The following PFKFB3 variants were observed in gnomAD, a reference collection of about 807,000 sequenced individuals.
PFKFB3 encodes the protein 6-phosphofructo-2-kinase/fructose-2,6-biphosphatase 3.
PFKFB3 carries 33 observed loss-of-function variants against 68.0 expected under a neutral mutation model. That is an observed-to-expected ratio of 0.49 (90% confidence interval 0.37 to 0.65). PFKFB3 has a LOEUF of 0.65. PFKFB3 is among the 30% of genes least tolerant of loss of function. The pLI is 0.00. For synonymous variants in PFKFB3, 315 were observed against 288.2 expected, an observed-to-expected ratio of 1.09 and a Z score of -0.94; for missense variants, 586 against 712.2, an observed-to-expected ratio of 0.82 and a Z score of 2.02.
intron 1 of PFKFB3, among the ~76,000 whole-genome samples, chr10:6,190,571 C>A (rs1207902195): frequency 2.0e-5 from 3 of 152,060 alleles, no homozygotes; most frequent in Non-Finnish European, 4.4e-5. Flanking sequence ...GAGACTGAGG[C>A]AGGGGGGACT....
chr10:6,178,924 T>C (rs1168894613), intron 1 of PFKFB3, among the ~76,000 whole-genome samples: 6 of 152,236 alleles, frequency 3.9e-5, no homozygotes, highest in Admixed American at 2.0e-4. Context: ...CCCGTCTCAC[T>C]ACCAGCCACC....
At chr10:6,177,736 C>G (rs1266829422) in intron 1 of PFKFB3, among the ~76,000 whole-genome samples, 3 of 152,026 alleles carry the variant, frequency 2.0e-5, no homozygotes, top group African/African-American at 7.2e-5. Context: ...CCATGTTAGG[C>G]TGGTCTCGAA....
the PFKFB3 span, among the ~76,000 whole-genome samples, chr10:6,317,829 G>A: frequency 6.6e-6 from 1 of 152,188 alleles, no homozygotes; most frequent in Non-Finnish European, 1.5e-5. Context: ...AATTGTGTCT[G>A]GGACCTGCGG....
rs1382528655 is a variant in PFKFB3, at chr10:6,219,580, C to G, written c.510C>G (p.Ile170Met). ...VVASNIMEVKISSPDYKDCNS... is the reference protein window; with the variant it reads ...VVASNIMEVKMSSPDYKDCNS... ...TTGTGGTGTTGCAGGAAGTTAAAAT[C>G]TCCAGCCCGGATTACAAAGACTGCA... The change falls in exon 7 of 15, where the codon ATC becomes ATG. Residue 170 changes from isoleucine to methionine, a missense_variant. By Grantham distance (10) the Ile-to-Met change is conservative. Coordinates refer to ENST00000379775, the MANE Select transcript of PFKFB3 (RefSeq NM_004566.4). 3 of 1,613,890 alleles carry G rather than the reference C, an allele frequency of 1.9e-6. No individual in the cohort carries two copies. Among genetic ancestry groups the G allele is most frequent in the Middle Eastern group, 1.6e-4 (1 of 6,078 alleles).
At chr10:6,312,779 CAT>C in the PFKFB3 span, among the ~76,000 whole-genome samples, 2 of 152,334 alleles carry the variant, frequency 1.3e-5, no homozygotes, top group East Asian at 1.9e-4. Flanking sequence ...ACTTCCAACA[CAT>C]GTCAACTTAG....
At chr10:6,182,871 G>A (rs149301985) in intron 1 of PFKFB3, among the ~76,000 whole-genome samples, 193 of 152,322 alleles carry the variant, frequency 1.3e-3, no homozygotes, top group Middle Eastern at 3.4e-3. Context: ...ACAGAGCAGT[G>A]CCCTTCCCAG....
rs373625804 is a variant in PFKFB3 at position 6,226,408 on chromosome 10, C to T, written c.1515+43C>T. The T allele has an allele frequency of 1.2e-4, 184 of 1,555,110 alleles. 1 individual carries two copies. Among genetic ancestry groups the T allele is most frequent in the Admixed American group, 7.7e-5 (4 of 51,802 alleles). ...TCCTTCCTGCCTGGGGGACGCATGCCGGGCGTGATGCCACAGATCTGGGAT... is the reference window on the plus strand; with the variant it reads ...TCCTTCCTGCCTGGGGGACGCATGCTGGGCGTGATGCCACAGATCTGGGAT... On this transcript the variant is annotated intron_variant, in intron 14 of 14. Transcript: ENST00000379775.
At chr10:6,166,395 A>AT (rs200301634) in intron 1 of PFKFB3, among the ~76,000 whole-genome samples, 36 of 145,546 alleles carry the variant, frequency 2.5e-4, no homozygotes, top group South Asian at 4.4e-4. Context: ...CCGGCTTAGT[A>AT]TTTTTTTTTT....
chr10:6,206,020 G>A (rs1436207589), intron 1 of PFKFB3, among the ~76,000 whole-genome samples: 4 of 151,262 alleles, frequency 2.6e-5, no homozygotes, highest in African/African-American at 9.7e-5. Flanking sequence ...TTCTCGCAGA[G>A]GGGGATTTGG....
In PFKFB3 at chr10:6,228,099, G is replaced by A; in HGVS notation, c.1515+1734G>A. On this transcript the variant is annotated intron_variant, in intron 14 of 14. Coordinates refer to ENST00000379775, the MANE Select transcript of PFKFB3 (RefSeq NM_004566.4). This position sits in a 1 kb window ranked among gnomAD's most constrained non-coding sequence, Gnocchi z 4.5. Reference sequence around the variant, plus strand: ...GGCCAGGTTCTTAGGGACGTCTGAAGCTGCTGGCTGGGCCGGCGTGGGGTT... The same window carrying A: ...GGCCAGGTTCTTAGGGACGTCTGAAACTGCTGGCTGGGCCGGCGTGGGGTT... 7.3e-7 allele frequency: 1 copy of A among 1,363,634 alleles called. No individual in the cohort carries two copies. Among genetic ancestry groups the A allele is most frequent in the Non-Finnish European group, 1.0e-6 (1 of 956,550 alleles). The allele number at this position is 1,363,634 out of a possible 1,614,324, so 84.5% of individuals were successfully genotyped here.
At position 6,229,053 on chromosome 10, in the gene PFKFB3, C is replaced by T; in HGVS notation, c.1515+2688C>T. ...TCATCCCCTTGCCCCCCCAAAAACA[C>T]ACCCGCCCCTTTATTTCCTGTTTGC... On this transcript the variant is annotated intron_variant, in intron 14 of 14. Coordinates refer to ENST00000379775, the MANE Select transcript of PFKFB3 (RefSeq NM_004566.4). This position sits in a 1 kb window ranked among gnomAD's most constrained non-coding sequence, Gnocchi z 4.3. 2.0e-6 allele frequency: 1 copy of T among 500,928 alleles called. No homozygotes were observed. Among genetic ancestry groups the T allele is most frequent in the East Asian group, 5.9e-5 (1 of 16,990 alleles). 31.0% of individuals were successfully genotyped at this position (500,928 alleles called of 1,614,324 possible).
intron 4 of PFKFB3, 64 bp downstream of exon 4, chr10:6,216,255 C>G: frequency 6.9e-7 from 1 of 1,449,646 alleles, no homozygotes. Context: ...CCTCACCGGC[C>G]TGGGGTGTAC....
At chr10:6,219,514 C>A in intron 6 of PFKFB3, 55 bp from the exon 7 acceptor site, 1 of 1,607,324 alleles carries the variant, frequency 6.2e-7, no homozygotes. Flanking sequence ...CCTGCTTAAT[C>A]TCAGCAGAAA....
At chr10:6,294,719 T>G in the PFKFB3 span, 3 of 157,342 alleles carry the variant, frequency 1.9e-5, no homozygotes, top group East Asian at 5.2e-4. Flanking sequence ...AAGGACCCAC[T>G]TGCCATCACT....
At chr10:6,196,670 C>T (rs1843184595) in intron 1 of PFKFB3, among the ~76,000 whole-genome samples, 1 of 152,152 alleles carries the variant, frequency 6.6e-6, no homozygotes, top group Non-Finnish European at 1.5e-5. Context: ...TGTTCGGGCC[C>T]TGCTGGCAGC....
At chr10:6,231,300 TACTA>T in intron 14 of PFKFB3, 1 of 1,612,566 alleles carries the variant, frequency 6.2e-7, no homozygotes, top group Admixed American at 1.7e-5. Flanking sequence ...GTTTTCTCCT[TACTA>T]ACTGTGGAAG....
In PFKFB3 at chr10:6,228,519, T is replaced by C. The variant is rs1479694113; in HGVS notation, c.1515+2154T>C. On this transcript the variant is annotated intron_variant, in intron 14 of 14. Coordinates refer to ENST00000379775, the MANE Select transcript of PFKFB3 (RefSeq NM_004566.4). The surrounding 1 kb of genome is among the most constrained non-coding windows in gnomAD (Gnocchi z 4.5). ...GTCGTGGTGTGTAATGGCCGTGGTTTAGGGCTCGGCATAAATCCACATTTC... is the reference window on the plus strand; with the variant it reads ...GTCGTGGTGTGTAATGGCCGTGGTTCAGGGCTCGGCATAAATCCACATTTC... Among the ~76,000 whole-genome samples the C allele has an allele frequency of 6.6e-6, 1 of 152,056 alleles. No homozygotes were observed. The highest frequency in any genetic ancestry group is 1.5e-5 in the Non-Finnish European group (1 of 68,014).
intron 1 of PFKFB3, among the ~76,000 whole-genome samples, chr10:6,161,735 C>T (rs978015738): frequency 2.0e-5 from 3 of 152,034 alleles, no homozygotes; most frequent in African/African-American, 2.4e-5. Context: ...TGGGCTCAAG[C>T]GATCCTCCCA....
chr10:6,283,392 C>T, the PFKFB3 span, among the ~76,000 whole-genome samples: 5 of 152,332 alleles, frequency 3.3e-5, no homozygotes, highest in Admixed American at 6.5e-5. Context: ...CTTCCCAAAG[C>T]CTATGTCCTT....
Sources: allele counts gnomAD v4.1 joint callset (sites outside exome capture counted in the v4.1 genomes callset), GRCh38; gene constraint gnomAD v4.1.1; non-coding constraint Gnocchi (gnomAD v3.1); transcripts MANE v1.5; gene names NCBI Gene and HGNC (gene_info 2026-07-23, HGNC 2026-07-21).